The following CARNMT1 variants were observed in gnomAD, a reference collection of about 807,000 sequenced individuals.
CARNMT1 encodes the protein protein-L-histidine N-pros-methyltransferase CARNMT1.
CARNMT1 carries 28 observed loss-of-function variants against 49.6 expected under a neutral mutation model. That is an observed-to-expected ratio of 0.56 (90% CI 0.42 to 0.77). The LOEUF (loss-of-function observed/expected upper bound fraction) is 0.77. CARNMT1 is among the 30% of genes least tolerant of loss of function. The pLI, the probability that CARNMT1 is intolerant of heterozygous loss-of-function variation, is 0.00. For missense variants in CARNMT1, 421 were observed against 512.6 expected (o/e 0.82, Z 1.73); for synonymous variants, 178 against 175.0 (o/e 1.02, Z -0.13).
intron 5 of CARNMT1, among the ~76,000 whole-genome samples, chr9:74,997,067 A>C (rs1486718377): frequency 1.3e-5 from 2 of 152,146 alleles, no homozygotes; most frequent in Non-Finnish European, 2.9e-5. Context: ...GGGCAGGCAG[A>C]AGCAGTGGGT....
intron 1 of CARNMT1, among the ~76,000 whole-genome samples, chr9:75,022,058 G>A (rs1457634253): frequency 6.6e-6 from 1 of 151,928 alleles, no homozygotes; most frequent in African/African-American, 2.4e-5. Context: ...TTCCATCTTA[G>A]GTAACCATCA....
intron 6 of CARNMT1, among the ~76,000 whole-genome samples, chr9:74,989,050 A>G (rs1832938106): frequency 6.6e-6 from 1 of 152,184 alleles, no homozygotes; most frequent in Non-Finnish European, 1.5e-5. Context: ...ATTTATGTTT[A>G]TTTACTTAAC....
chr9:75,020,157 C>T lies in CARNMT1; in HGVS notation c.231-2709G>A, dbSNP rs181794278. Among the ~76,000 whole-genome samples the T allele has an allele frequency of 2.6e-5, 4 of 151,798 alleles. No homozygotes were observed. The East Asian group carries it at 7.7e-4, about 29-fold the overall frequency. On this transcript the variant is annotated intron_variant, in intron 1 of 7. Coordinates refer to ENST00000376834, the MANE Select transcript of CARNMT1 (RefSeq NM_152420.3). ...TTTATAAGTGTTCACTGTAATATTC[C>T]TTACATTTTATATCTATATATGTAT...
intron 3 of CARNMT1, among the ~76,000 whole-genome samples, chr9:75,009,053 GGACA>G (rs1833606088): frequency 1.4e-5 from 2 of 142,146 alleles, no homozygotes; most frequent in African/African-American, 5.1e-5. Flanking sequence ...AATCGGGAAA[GGACA>G]GTCTTTTTTT....
At chr9:74,987,261 G>C (rs1293544354) in intron 6 of CARNMT1, among the ~76,000 whole-genome samples, 6 of 152,154 alleles carry the variant, frequency 3.9e-5, no homozygotes, top group Non-Finnish European at 7.3e-5. Context: ...CACCATATGT[G>C]ACCCAGCAAT....
chr9:74,997,023 C>T (rs1418617034), intron 5 of CARNMT1, among the ~76,000 whole-genome samples: 1 of 152,174 alleles, frequency 6.6e-6, no homozygotes, highest in Admixed American at 6.5e-5. Flanking sequence ...TCTACCACAA[C>T]TTCGAATAAT....
intron 3 of CARNMT1, among the ~76,000 whole-genome samples, chr9:75,000,225 T>C (rs536254369): frequency 7.2e-5 from 11 of 152,246 alleles, no homozygotes; most frequent in Admixed American, 5.2e-4. Flanking sequence ...TATGAAGAGT[T>C]TGAACAAAAG....
In CARNMT1 at chr9:74,982,762, TAG is replaced by T. The variant is rs1832721119; in HGVS notation, c.*1003_*1004del. On this transcript the variant is annotated 3_prime_UTR_variant, in exon 8 of 8. Transcript: ENST00000376834. ...CACACTGTCAAACTCTGTATTCATT[TAG>T]AGTCTGAAAATCACATATTTCAAAT... 1 of 152,190 alleles carries T rather than the reference TAG, an allele frequency of 6.6e-6. No homozygotes were observed. The highest frequency in any genetic ancestry group is 1.5e-5 in the Non-Finnish European group (1 of 68,030). 9.4% of individuals were successfully genotyped at this position (152,190 alleles called of 1,614,324 possible). A position where few individuals can be genotyped will look rare whatever the true frequency, so the allele number is the denominator to read the frequency against.
chr9:75,009,460 A>G (rs1284624435), intron 3 of CARNMT1, among the ~76,000 whole-genome samples: 3 of 152,086 alleles, frequency 2.0e-5, no homozygotes, highest in Admixed American at 2.0e-4. Flanking sequence ...TTAATGTTGC[A>G]AAGATATTCC....
At chr9:75,007,560 C>A (rs868584927) in intron 3 of CARNMT1, among the ~76,000 whole-genome samples, 3 of 151,736 alleles carry the variant, frequency 2.0e-5, no homozygotes, top group Admixed American at 6.6e-5. Flanking sequence ...GAAACCCCGT[C>A]TCTACTGAAA....
chr9:74,993,642 C>G (rs1003091377), intron 6 of CARNMT1, among the ~76,000 whole-genome samples: 1 of 152,098 alleles, frequency 6.6e-6, no homozygotes, highest in Admixed American at 6.6e-5. Context: ...TCTGCCAACA[C>G]CCTCCACCCC....
chr9:75,013,360 T>C (rs564861204), intron 3 of CARNMT1, among the ~76,000 whole-genome samples: 22 of 152,314 alleles, frequency 1.4e-4, no homozygotes, highest in Non-Finnish European at 3.1e-4. Flanking sequence ...AATTATATTA[T>C]GGATTTTTTA....
chr9:74,988,807 G>A (rs1832925773), intron 6 of CARNMT1, among the ~76,000 whole-genome samples: 1 of 152,124 alleles, frequency 6.6e-6, no homozygotes, highest in Admixed American at 6.5e-5. Context: ...TACAAAAATA[G>A]GCTACAGGCC....
Position 75,028,132 on chromosome 9 carries a change from C to T in CARNMT1, c.110G>A (p.Trp37Ter). Residue 37 changes from tryptophan (W) to a stop codon, truncating the protein, a stop_gained, in exon 1 of 8, where the codon TGG becomes TAG. Coordinates refer to ENST00000376834, the MANE Select transcript of CARNMT1 (RefSeq NM_152420.3). LOFTEE classifies it high-confidence loss of function. ...EVEVQFSAGR[W>*]GSAAAVSAAA... The stretch of plus-strand genomic sequence containing the variant: ...CGCCGAAACCGCCGCGGCCGAGCCC[C>T]AACGCCCGGCGGAAAACTGCACTTC... 1.3e-6 allele frequency: 2 copies of T among 1,551,486 alleles called. No homozygotes were observed. The highest frequency in any genetic ancestry group is 1.7e-6 in the Non-Finnish European group (2 of 1,151,022).
At position 75,028,144 on chromosome 9, in the gene CARNMT1, G is replaced by T; in HGVS notation, c.98C>A (p.Ser33Tyr). ...GGSEEVEVQF[S>Y]AGRWGSAAAV... is the part of the protein sequence containing the mutation. ...CGCGGCCGAGCCCCAACGCCCGGCG[G>T]AAAACTGCACTTCCACCTCCTCGCT... Residue 33 changes from serine to tyrosine, a missense_variant, in exon 1 of 8, where the codon TCC becomes TAC. By Grantham distance (144) the Ser-to-Tyr change is moderately radical. This residue lies in a region of CARNMT1 where 186 missense variants were observed against 167.9 expected (regional missense o/e 1.11). Coordinates refer to ENST00000376834, the MANE Select transcript of CARNMT1 (RefSeq NM_152420.3). 6.5e-7 allele frequency: 1 copy of T among 1,546,970 alleles called. No individual in the cohort carries two copies. The highest frequency in any genetic ancestry group is 2.6e-5 in the East Asian group (1 of 38,012).
intron 3 of CARNMT1, among the ~76,000 whole-genome samples, chr9:75,006,966 C>T (rs1833528972): frequency 6.6e-6 from 1 of 152,104 alleles, no homozygotes; most frequent in Non-Finnish European, 1.5e-5. Context: ...ATTCTATAAT[C>T]ACTGAGTATA....
chr9:75,001,682 G>A (rs935843332), intron 3 of CARNMT1, among the ~76,000 whole-genome samples: 23 of 152,142 alleles, frequency 1.5e-4, no homozygotes, highest in Non-Finnish European at 5.9e-5. Flanking sequence ...CTAAATCTTT[G>A]TTCTTAGCTA....
At chr9:75,013,716 CA>C (rs1354085663) in intron 3 of CARNMT1, among the ~76,000 whole-genome samples, 1 of 151,744 alleles carries the variant, frequency 6.6e-6, no homozygotes, top group Non-Finnish European at 1.5e-5. Context: ...TAAAGAAAAA[CA>C]AAAAGGCCAG....
At chr9:75,021,472 T>C (rs1822360952) in intron 1 of CARNMT1, among the ~76,000 whole-genome samples, 1 of 119,766 alleles carries the variant, frequency 8.3e-6, no homozygotes. Flanking sequence ...TAAATATATA[T>C]ACTATATATA....
Sources: gnomAD v4.1 joint callset for allele counts (sites outside exome capture counted in the v4.1 genomes callset) on GRCh38, gnomAD v4.1.1 for gene constraint, gnomAD v4.1.1 regional missense constraint, MANE v1.5 for transcripts, NCBI Gene and HGNC (gene_info 2026-07-23, HGNC 2026-07-21) for gene names.